DOCK2: variants seen among roughly 807,000 people sequenced by gnomAD.
The protein encoded by DOCK2 is dedicator of cytokinesis 2.
In DOCK2, 87 loss-of-function variants were observed where a neutral mutation model predicts 248.9. The observed-to-expected ratio is 0.35, with a 90% CI of 0.29 to 0.42. The LOEUF is 0.42. Ranked by LOEUF, DOCK2 falls within the 10% of genes least tolerant of loss-of-function variation. The pLI, the probability that DOCK2 is intolerant of heterozygous loss-of-function variation, is 1.00. For missense variants in DOCK2, 1,747 were observed against 2,300.2 expected (o/e 0.76, Z 4.92); for synonymous variants, 805 against 821.6 (o/e 0.98, Z 0.35).
At chr5:169,646,431 A>G (rs558893239) in intron 1 of DOCK2, among the ~76,000 whole-genome samples, 1 of 152,328 alleles carries the variant, frequency 6.6e-6, no homozygotes, top group South Asian at 2.1e-4. Context: ...ACTGAGGCAT[A>G]GATCTTTGAG....
intron 26 of DOCK2, among the ~76,000 whole-genome samples, chr5:169,828,661 C>T (rs1227013665): frequency 6.6e-6 from 1 of 152,002 alleles, no homozygotes; most frequent in Non-Finnish European, 1.5e-5. Flanking sequence ...GTCAAATAAC[C>T]CCTTAGTCTT....
chr5:169,700,039 G>A lies in DOCK2; in HGVS notation c.1158G>A (p.Leu386=). 6.2e-7 allele frequency: 1 copy of A among 1,613,952 alleles called. No individual in the cohort carries two copies. The highest frequency in any genetic ancestry group is 8.5e-7 in the Non-Finnish European group (1 of 1,179,872). ...GCCTCTGGGTGACCATGAAGATGCT[G>A]GTGGGTGACATCATTCAGATTCGCA... is the stretch of plus-strand genomic sequence containing the variant. ...GQGLWVTMKM[L]VGDIIQIRKD... Residue 386 remains leucine, a synonymous_variant, in exon 13 of 52, where the codon CTG becomes CTA. Transcript: ENST00000520908.
At chr5:169,993,890 A>G (rs1778271060) in intron 29 of DOCK2, among the ~76,000 whole-genome samples, 1 of 151,552 alleles carries the variant, frequency 6.6e-6, no homozygotes, top group Admixed American at 6.6e-5. Context: ...TAAATAACCC[A>G]ACCTTCTTGT....
At chr5:169,855,109 C>G (rs964006263) in intron 27 of DOCK2, among the ~76,000 whole-genome samples, 1 of 152,216 alleles carries the variant, frequency 6.6e-6, no homozygotes. Context: ...CTTATCTCCC[C>G]CTAAGCCTCC....
intron 8 of DOCK2, among the ~76,000 whole-genome samples, chr5:169,688,782 T>C (rs1760129422): frequency 6.6e-6 from 1 of 152,220 alleles, no homozygotes; most frequent in Non-Finnish European, 1.5e-5. Context: ...CTGTATGACA[T>C]TCCATTCAAG....
At chr5:169,992,323 C>G (rs939751768) in intron 29 of DOCK2, among the ~76,000 whole-genome samples, 1 of 152,230 alleles carries the variant, frequency 6.6e-6, no homozygotes, top group Non-Finnish European at 1.5e-5. Flanking sequence ...CTAAGCAACA[C>G]AGACGAGACA....
At chr5:169,858,737 G>C (rs971941154) in intron 27 of DOCK2, among the ~76,000 whole-genome samples, 7 of 152,174 alleles carry the variant, frequency 4.6e-5, no homozygotes, top group Admixed American at 2.6e-4. Flanking sequence ...GTACGGTGTC[G>C]TGCACCTGTA....
At chr5:170,037,830 T>C (rs1310298574) in intron 36 of DOCK2, among the ~76,000 whole-genome samples, 2 of 152,194 alleles carry the variant, frequency 1.3e-5, no homozygotes, top group African/African-American at 2.4e-5. Context: ...CACATCCTTA[T>C]GAGGCTGGAG....
chr5:170,032,099 TCACTGCAAGCTC>T (rs1485395688), intron 34 of DOCK2, among the ~76,000 whole-genome samples: 3 of 151,276 alleles, frequency 2.0e-5, no homozygotes, highest in Admixed American at 1.3e-4. Flanking sequence ...CGATCTCGGC[TCACTGCAAGCTC>T]CACCTCCCGG....
At chr5:169,772,216 TC>T (rs1178569902) in intron 25 of DOCK2, among the ~76,000 whole-genome samples, 1 of 152,214 alleles carries the variant, frequency 6.6e-6, no homozygotes, top group Non-Finnish European at 1.5e-5. Context: ...TAGCCTCTCC[TC>T]CTCCAGTCAA....
At chr5:170,067,043 C>T (rs1757514675) in intron 44 of DOCK2, among the ~76,000 whole-genome samples, 1 of 152,090 alleles carries the variant, frequency 6.6e-6, no homozygotes. Flanking sequence ...TTTAATTTTC[C>T]CAACTAAAGT....
chr5:169,684,175 C>T, intron 7 of DOCK2, 21 bp from the exon 8 acceptor site: 1 of 1,612,710 alleles, frequency 6.2e-7, no homozygotes. Flanking sequence ...ATCTTCTTTC[C>T]TTCTTCCTTC....
At chr5:169,643,867 C>G (rs1451718246) in intron 1 of DOCK2, among the ~76,000 whole-genome samples, 1 of 152,152 alleles carries the variant, frequency 6.6e-6, no homozygotes, top group African/African-American at 2.4e-5. Flanking sequence ...CAATGCCAGG[C>G]CTAGAGACAC....
intron 27 of DOCK2, among the ~76,000 whole-genome samples, chr5:169,906,321 A>G (rs939075889): frequency 6.6e-6 from 1 of 152,208 alleles, no homozygotes; most frequent in African/African-American, 2.4e-5. Flanking sequence ...AAAGGCTCCC[A>G]AGCCAGTGTG....
intron 27 of DOCK2, among the ~76,000 whole-genome samples, chr5:169,921,168 G>A (rs1775154907): frequency 6.6e-6 from 1 of 152,188 alleles, no homozygotes. Context: ...AAAAGTGTCT[G>A]GATGGATAGG....
intron 14 of DOCK2, among the ~76,000 whole-genome samples, chr5:169,704,839 T>A (rs1761173328): frequency 6.7e-6 from 1 of 149,826 alleles, no homozygotes; most frequent in Admixed American, 6.6e-5. Context: ...CCCACAAAAA[T>A]TAAAAATTTT....
chr5:169,982,963 T>C, intron 27 of DOCK2, 105 bp from the exon 28 acceptor site: 8 of 1,105,066 alleles, frequency 7.2e-6, no homozygotes, highest in Non-Finnish European at 1.1e-5. Context: ...TAGTACTCAG[T>C]AAATACTTTA....
At chr5:169,878,256 A>T (rs532594111) in intron 27 of DOCK2, among the ~76,000 whole-genome samples, 1 of 152,204 alleles carries the variant, frequency 6.6e-6, no homozygotes, top group Admixed American at 6.5e-5. Flanking sequence ...CCAAACTTCA[A>T]TCACTCATTC....
intron 29 of DOCK2, among the ~76,000 whole-genome samples, chr5:169,986,985 A>C (rs925190019): frequency 2.0e-5 from 3 of 151,874 alleles, no homozygotes; most frequent in African/African-American, 7.3e-5. Flanking sequence ...CACTAACTCA[A>C]ACTTGCCCAA....
Sources: gnomAD v4.1 joint callset for allele counts (sites outside exome capture counted in the v4.1 genomes callset) on GRCh38, gnomAD v4.1.1 for gene constraint, MANE v1.5 for transcripts, NCBI Gene and HGNC (gene_info 2026-07-23, HGNC 2026-07-21) for gene names.